ARID1B: variants seen among roughly 807,000 people sequenced by gnomAD.
ARID1B encodes the protein AT-rich interaction domain 1B.
In ARID1B, 30 loss-of-function variants were observed where a neutral mutation model predicts 212.3. That is an observed-to-expected ratio of 0.14 (90% CI 0.11 to 0.19). ARID1B has a LOEUF of 0.19. Ranked by LOEUF, ARID1B falls within the 10% of genes least tolerant of loss-of-function variation. The pLI is 1.00. For missense variants in ARID1B, 2,891 were observed against 3,204.0 expected (o/e 0.90, Z 2.36); for synonymous variants, 1,402 against 1,301.7 (o/e 1.08, Z -1.66).
At chr6:156,903,517 A>T (rs1789117679) in intron 3 of ARID1B, among the ~76,000 whole-genome samples, 1 of 152,210 alleles carries the variant, frequency 6.6e-6, no homozygotes, top group African/African-American at 2.4e-5. Flanking sequence ...GCCTAATCAG[A>T]TGGTCTGGTT....
chr6:156,842,439 G>A (rs1020014342), intron 2 of ARID1B, among the ~76,000 whole-genome samples: 1 of 152,176 alleles, frequency 6.6e-6, no homozygotes, highest in Non-Finnish European at 1.5e-5. Context: ...GCACGTTCCA[G>A]CACTTCATTC....
chr6:156,831,640 A>G (rs1418076928), intron 2 of ARID1B, among the ~76,000 whole-genome samples: 1 of 152,244 alleles, frequency 6.6e-6, no homozygotes, highest in African/African-American at 2.4e-5. Flanking sequence ...AGATATATAG[A>G]GTAATCTCAA....
intron 1 of ARID1B, among the ~76,000 whole-genome samples, chr6:156,811,285 C>G (rs893789695): frequency 2.0e-5 from 3 of 152,242 alleles, no homozygotes; most frequent in Non-Finnish European, 4.4e-5. Flanking sequence ...TAGTTAGATG[C>G]CAGTCACAGG....
chr6:156,799,543 A>G (rs910617829), intron 1 of ARID1B, among the ~76,000 whole-genome samples: 12 of 152,164 alleles, frequency 7.9e-5, no homozygotes, highest in African/African-American at 2.9e-4. Flanking sequence ...CAGTGGTGCT[A>G]TCTCCTCACT....
intron 2 of ARID1B, among the ~76,000 whole-genome samples, chr6:156,882,806 G>A (rs1254986413): frequency 6.6e-6 from 1 of 152,204 alleles, no homozygotes; most frequent in East Asian, 1.9e-4. Context: ...GAGGGAAGGT[G>A]ATATCAGTGA....
chr6:156,804,032 G>T (rs1026709973), intron 1 of ARID1B, among the ~76,000 whole-genome samples: 5 of 152,102 alleles, frequency 3.3e-5, no homozygotes, highest in African/African-American at 1.2e-4. Context: ...GATGGAGAAT[G>T]TTTCTAAAGA....
At chr6:157,067,767 C>T (rs1408959033) in intron 4 of ARID1B, among the ~76,000 whole-genome samples, 2 of 152,128 alleles carry the variant, frequency 1.3e-5, no homozygotes, top group African/African-American at 4.8e-5. Context: ...CTGTGTTTTT[C>T]TGTCTTCTGC....
chr6:156,825,276 G>A (rs1479359224), intron 1 of ARID1B, among the ~76,000 whole-genome samples: 1 of 152,208 alleles, frequency 6.6e-6, no homozygotes, highest in Non-Finnish European at 1.5e-5. Context: ...TTGGACTGTG[G>A]ATGAATATTT....
chr6:156,798,484 A>G lies in ARID1B; in HGVS notation c.1791+19013A>G, dbSNP rs146396457. Among the ~76,000 whole-genome samples, 179 of 152,404 alleles carry G rather than the reference A, an allele frequency of 1.2e-3. 1 individual carries two copies. Among genetic ancestry groups the G allele is most frequent in the African/African-American group, 3.4e-3 (142 of 41,598 alleles). ...TGCGCTTTGGCCAAGGCCATGTTAC[A>G]TGATGGTACCAGGAGTCAGCCCTGA... is the stretch of plus-strand genomic sequence containing the variant. On this transcript the variant is annotated intron_variant, in intron 1 of 19. Coordinates refer to ENST00000636930, the MANE Select transcript of ARID1B (RefSeq NM_001374828.1).
intron 9 of ARID1B, 91 bp from the exon 10 acceptor site, chr6:157,173,917 C>T: frequency 4.6e-6 from 5 of 1,084,108 alleles, no homozygotes; most frequent in African/African-American, 1.6e-5. Context: ...ATGCAAGGGC[C>T]TCCTGCTTCA....
intron 4 of ARID1B, chr6:156,940,165 A>C (rs1792561332): frequency 6.6e-6 from 1 of 152,220 alleles, no homozygotes; most frequent in Non-Finnish European, 1.5e-5. Flanking sequence ...TTTGGAATAC[A>C]ATCAGTTTGG....
At chr6:156,883,900 C>T (rs1420983531) in intron 2 of ARID1B, among the ~76,000 whole-genome samples, 1 of 152,176 alleles carries the variant, frequency 6.6e-6, no homozygotes, top group Admixed American at 6.5e-5. Flanking sequence ...CATTTTGTAT[C>T]AACAACAGCT....
chr6:157,021,767 G>A (rs1329353330), intron 4 of ARID1B, among the ~76,000 whole-genome samples: 3 of 152,024 alleles, frequency 2.0e-5, no homozygotes, highest in Admixed American at 2.0e-4. Context: ...GGAGGCGGCG[G>A]CCGCTCGCAC....
chr6:157,041,507 A>G (rs1781872264), intron 4 of ARID1B, among the ~76,000 whole-genome samples: 7 of 152,202 alleles, frequency 4.6e-5, no homozygotes, highest in Admixed American at 4.6e-4. Flanking sequence ...TACTAATCTA[A>G]TAAGTTACTT....
In ARID1B at chr6:156,778,877, AGGAGGAGGCAGC is replaced by A. The variant is rs1341968640; in HGVS notation, c.1206_1217del (p.Ser403_Gly406del). The A allele has an allele frequency of 5.8e-6, 8 of 1,380,268 alleles. No individual in the cohort carries two copies. Among genetic ancestry groups the A allele is most frequent in the Middle Eastern group, 2.0e-4 (1 of 4,914 alleles). The allele number at this position is 1,380,268 out of a possible 1,614,324, so 85.5% of individuals were successfully genotyped here. ...GCGGCGGCGGCGGCGGCGGCGGAGG[AGGAGGAGGCAGC>A]GGAGGAGGAGGAGGAGGAGGAGGAG... On this transcript the variant is annotated inframe_deletion, in exon 1 of 20. Transcript: ENST00000636930.
chr6:156,946,228 C>T (rs1418740125), intron 4 of ARID1B, among the ~76,000 whole-genome samples: 10 of 150,472 alleles, frequency 6.6e-5, no homozygotes, highest in Admixed American at 1.3e-4. Context: ...AAATGTTCGC[C>T]GGGCATGGCA....
chr6:157,200,630 T>C lies in ARID1B; in HGVS notation c.4480-75T>C. Reference sequence around the variant, plus strand: ...AATGAACATTCTAGCAGGTAATAACTATTTTGCATAATTTCAGTGTGTGAT... The same window carrying C: ...AATGAACATTCTAGCAGGTAATAACCATTTTGCATAATTTCAGTGTGTGAT... On this transcript the variant is annotated intron_variant, in intron 17 of 19. Transcript: ENST00000636930. The surrounding 1 kb of genome is among the most constrained non-coding windows in gnomAD (Gnocchi z 4.3). 6.8e-7 allele frequency: 1 copy of C among 1,480,820 alleles called. No individual in the cohort carries two copies. Among genetic ancestry groups the C allele is most frequent in the Non-Finnish European group, 9.1e-7 (1 of 1,104,402 alleles). 91.7% of individuals were successfully genotyped at this position (1,480,820 alleles called of 1,614,324 possible).
At chr6:156,984,356 G>C (rs756196614) in intron 4 of ARID1B, among the ~76,000 whole-genome samples, 3 of 152,120 alleles carry the variant, frequency 2.0e-5, no homozygotes, top group Non-Finnish European at 4.4e-5. Flanking sequence ...GGAATTTTCA[G>C]ATCCTTCCTT....
intron 6 of ARID1B, among the ~76,000 whole-genome samples, chr6:157,119,123 C>T (rs1787528246): frequency 6.6e-6 from 1 of 152,100 alleles, no homozygotes; most frequent in Non-Finnish European, 1.5e-5. Flanking sequence ...CCCCGTCTGC[C>T]CCAAACTAAT....
Sources: allele counts gnomAD v4.1 joint callset (sites outside exome capture counted in the v4.1 genomes callset), GRCh38; gene constraint gnomAD v4.1.1; non-coding constraint Gnocchi (gnomAD v3.1); transcripts MANE v1.5; gene names NCBI Gene and HGNC (gene_info 2026-07-23, HGNC 2026-07-21).